RAD17: variants seen among roughly 807,000 people sequenced by gnomAD.
The protein encoded by RAD17 is cell cycle checkpoint protein RAD17.
In RAD17, 31 loss-of-function variants were observed where a neutral mutation model predicts 81.5. The ratio of observed to expected loss-of-function variants is 0.38; its 90% CI spans 0.29 to 0.51. The LOEUF is 0.51. RAD17 is among the 20% of genes least tolerant of loss of function. RAD17 has a pLI of 0.88. For synonymous variants in RAD17, 261 were observed against 266.2 expected (o/e 0.98, Z 0.19); for missense variants, 681 against 781.2 (o/e 0.87, Z 1.53).
chr5:69,371,187 G>C lies in RAD17; in HGVS notation c.-280+16G>C, dbSNP rs776006746. 2 of 502,826 alleles carry C rather than the reference G, an allele frequency of 4.0e-6. No homozygotes were observed. The highest frequency in any genetic ancestry group is 7.6e-6 in the Non-Finnish European group (2 of 264,736). 31.1% of individuals were successfully genotyped at this position (502,826 alleles called of 1,614,324 possible). A position where few individuals can be genotyped will look rare whatever the true frequency, so the allele number is the denominator to read the frequency against. ...ATGACAAAAGGTAAGTACATAGTAT[G>C]TGTGGTTTTTTTGTTTTTTTTTTTC... On this transcript the variant is annotated intron_variant, in intron 2 of 18. Transcript: ENST00000354868.
chr5:69,379,029 G>A lies in RAD17; in HGVS notation c.352-2872G>A, dbSNP rs1763684000. On this transcript the variant is annotated intron_variant, in intron 6 of 18. Coordinates refer to ENST00000354868, the MANE Select transcript of RAD17 (RefSeq NM_133338.3). ...GGTCGAGGTGGGTGGATTACCTGATGTCAGGAATTCGAGACCAGCCTGGCC... is the reference window on the plus strand; with the variant it reads ...GGTCGAGGTGGGTGGATTACCTGATATCAGGAATTCGAGACCAGCCTGGCC... 2.6e-5 allele frequency among the ~76,000 whole-genome samples: 4 copies of A among 152,192 alleles called. No individual in the cohort carries two copies. In the South Asian group the frequency reaches 8.3e-4, roughly 31 times the overall value.
chr5:69,401,854 A>G (rs1163818980), intron 17 of RAD17, among the ~76,000 whole-genome samples: 1 of 149,808 alleles, frequency 6.7e-6, no homozygotes, highest in Non-Finnish European at 1.5e-5. Context: ...CAAAAAACAA[A>G]AAAACCAGGC....
At chr5:69,389,972 A>G (rs1561255111) in intron 12 of RAD17, among the ~76,000 whole-genome samples, 1 of 152,190 alleles carries the variant, frequency 6.6e-6, no homozygotes, top group Non-Finnish European at 1.5e-5. Flanking sequence ...AGATATGTTT[A>G]ATAAATTTAT....
At position 69,374,194 on chromosome 5, in the gene RAD17, C is replaced by T. The variant is rs1763198667; in HGVS notation, c.267+107C>T. The T allele has an allele frequency of 2.3e-5, 23 of 1,021,624 alleles. No homozygotes were observed. The East Asian group carries it at 5.8e-4, about 26-fold the overall frequency. The allele number at this position is 1,021,624 out of a possible 1,614,324, so 63.3% of individuals were successfully genotyped here. On this transcript the variant is annotated intron_variant, in intron 5 of 18. Coordinates refer to ENST00000354868, the MANE Select transcript of RAD17 (RefSeq NM_133338.3). Reference sequence around the variant, plus strand: ...TTTCAGATTTTTTACTCATAAGAATCTTTCTAAGTGTTAGAAAAAATTCTG... The same window carrying T: ...TTTCAGATTTTTTACTCATAAGAATTTTTCTAAGTGTTAGAAAAAATTCTG...
At chr5:69,390,952 C>CAA (rs66906488) in intron 12 of RAD17, among the ~76,000 whole-genome samples, 2,073 of 142,866 alleles carry the variant, frequency 0.015, 47 homozygotes, top group African/African-American at 0.049. Context: ...GACCCTGTGT[C>CAA]AAAAAAAAAA....
intron 17 of RAD17, among the ~76,000 whole-genome samples, chr5:69,402,117 G>T (rs1435210328): frequency 1.4e-5 from 2 of 146,776 alleles, no homozygotes; most frequent in African/African-American, 5.0e-5. Context: ...GCATGATCTC[G>T]ACTTACTGCA....
Position 69,372,121 on chromosome 5 carries a change from A to G in RAD17, c.-88A>G, listed in dbSNP as rs928168661. ...CAGAATTGCTGTCGAAAGTTTTACT[A>G]TAATGAAAGATATTTTCATACTCTC... On this transcript the variant is annotated 5_prime_UTR_variant, in exon 4 of 19. Coordinates refer to ENST00000354868, the MANE Select transcript of RAD17 (RefSeq NM_133338.3). The G allele has an allele frequency of 2.0e-6, 3 of 1,494,540 alleles. No individual in the cohort carries two copies. In the African/African-American group the frequency reaches 4.2e-5, roughly 21 times the overall value. The allele number at this position is 1,494,540 out of a possible 1,614,324, so 92.6% of individuals were successfully genotyped here.
At chr5:69,381,786 T>C in intron 6 of RAD17, 115 bp from the exon 7 acceptor site, 2 of 744,460 alleles carry the variant, frequency 2.7e-6, no homozygotes, top group Non-Finnish European at 4.2e-6. Context: ...TGTGCTTATA[T>C]GAGACATTCA....
At chr5:69,412,105 C>G (rs983964199) in intron 18 of RAD17, among the ~76,000 whole-genome samples, 1 of 152,050 alleles carries the variant, frequency 6.6e-6, no homozygotes, top group Non-Finnish European at 1.5e-5. Context: ...TACAGGCGCC[C>G]GCCACCACGC....
intron 18 of RAD17, among the ~76,000 whole-genome samples, chr5:69,410,996 T>TATATATATAC (rs1473955567): frequency 6.9e-6 from 1 of 144,864 alleles, no homozygotes; most frequent in Admixed American, 6.9e-5. Flanking sequence ...TATATATATA[T>TATATATATAC]ACTGTTCATT....
chr5:69,384,567 C>A (rs958348704), intron 7 of RAD17, among the ~76,000 whole-genome samples: 1 of 152,154 alleles, frequency 6.6e-6, no homozygotes, highest in African/African-American at 2.4e-5. Flanking sequence ...CCACCTGCCT[C>A]GGCCTCCCAA....
At chr5:69,383,769 A>G (rs913710177) in intron 7 of RAD17, among the ~76,000 whole-genome samples, 3 of 151,860 alleles carry the variant, frequency 2.0e-5, no homozygotes, top group Non-Finnish European at 2.9e-5. Context: ...TCACGACCCA[A>G]CCTCTGGGGT....
At chr5:69,407,578 T>TTTG (rs1453887757) in intron 17 of RAD17, among the ~76,000 whole-genome samples, 2 of 130,228 alleles carry the variant, frequency 1.5e-5, no homozygotes, top group Non-Finnish European at 3.2e-5. Flanking sequence ...TTTTTTTTTT[T>TTTG]TTTTTTTTTT....
intron 6 of RAD17, among the ~76,000 whole-genome samples, 196 bp from the exon 7 acceptor site, chr5:69,381,705 G>GA (rs888772930): frequency 6.6e-6 from 1 of 151,736 alleles, no homozygotes; most frequent in South Asian, 2.1e-4. Context: ...GAAAAGGGGG[G>GA]AAAAAGGCAA....
chr5:69,394,504 A>T (rs947702724), intron 15 of RAD17, among the ~76,000 whole-genome samples: 1 of 152,162 alleles, frequency 6.6e-6, no homozygotes, highest in East Asian at 1.9e-4. Flanking sequence ...ATTTGAAACT[A>T]TTTACCATAA....
At chr5:69,385,909 C>G in intron 8 of RAD17, 134 bp from the exon 9 acceptor site, 2 of 907,066 alleles carry the variant, frequency 2.2e-6, no homozygotes. Context: ...TCATCTATTT[C>G]ATGTTTCCTG....
Position 69,371,517 on chromosome 5 carries a change from T to C in RAD17, c.-216T>C, listed in dbSNP as rs1762997268. 2 of 1,424,358 alleles carry C rather than the reference T, an allele frequency of 1.4e-6. No homozygotes were observed. Among genetic ancestry groups the C allele is most frequent in the Non-Finnish European group, 1.9e-6 (2 of 1,067,150 alleles). 88.2% of individuals were successfully genotyped at this position (1,424,358 alleles called of 1,614,324 possible). On this transcript the variant is annotated 5_prime_UTR_variant, in exon 3 of 19. An upstream start codon of the reference 5' UTR is lost. Transcript: ENST00000354868. Reference sequence around the variant, plus strand: ...GGATGGGAACTATTACAGTTTATAATGTCAAAAACTTTTCTTAGACCAAAG... The same window carrying C: ...GGATGGGAACTATTACAGTTTATAACGTCAAAAACTTTTCTTAGACCAAAG...
intron 17 of RAD17, among the ~76,000 whole-genome samples, chr5:69,401,764 G>A (rs1017674614): frequency 2.6e-5 from 4 of 151,736 alleles, no homozygotes; most frequent in African/African-American, 9.7e-5. Flanking sequence ...AAGACGGGCG[G>A]ATCACAAGGT....
At chr5:69,375,704 C>T (rs1358824121) in intron 6 of RAD17, among the ~76,000 whole-genome samples, 1 of 151,956 alleles carries the variant, frequency 6.6e-6, no homozygotes, top group Non-Finnish European at 1.5e-5. Context: ...ACCAGGATGC[C>T]GTAATGCTGT....
Sources: allele counts gnomAD v4.1 joint callset (sites outside exome capture counted in the v4.1 genomes callset), GRCh38; gene constraint gnomAD v4.1.1; transcripts MANE v1.5; gene names NCBI Gene and HGNC (gene_info 2026-07-23, HGNC 2026-07-21).